Variants in EGF observed in about 807,000 individuals in gnomAD.
EGF encodes the protein pro-epidermal growth factor.
EGF carries 95 observed loss-of-function variants against 143.8 expected under a neutral mutation model. The observed-to-expected ratio is 0.66, with a 90% CI of 0.56 to 0.78. The LOEUF is 0.78. Ranked by LOEUF, EGF falls within the 30% of genes least tolerant of loss-of-function variation. The pLI, the probability that EGF is intolerant of heterozygous loss-of-function variation, is 0.00. For synonymous variants in EGF, 510 were observed against 510.5 expected (o/e 1.00, Z 0.01); for missense variants, 1,320 against 1,470.9 (o/e 0.90, Z 1.68).
intron 5 of EGF, among the ~76,000 whole-genome samples, chr4:109,952,090 T>C (rs1376772364): frequency 6.6e-6 from 1 of 152,210 alleles, no homozygotes; most frequent in Non-Finnish European, 1.5e-5. Flanking sequence ...TAGCCAGATA[T>C]CCTGGCTGCC....
intron 1 of EGF, among the ~76,000 whole-genome samples, chr4:109,923,416 A>G (rs1738124473): frequency 6.6e-6 from 1 of 151,602 alleles, no homozygotes; most frequent in Non-Finnish European, 1.5e-5. Context: ...AAAGCTGGTT[A>G]AAAAAGAGAG....
At chr4:109,966,993 A>T (rs1746711363) in intron 10 of EGF, among the ~76,000 whole-genome samples, 1 of 152,000 alleles carries the variant, frequency 6.6e-6, no homozygotes, top group African/African-American at 2.4e-5. Flanking sequence ...ACTGTAGGTT[A>T]TCTGTTTACT....
intron 12 of EGF, 78 bp from the exon 13 acceptor site, chr4:109,975,934 T>A: frequency 6.8e-7 from 1 of 1,462,228 alleles, no homozygotes. Context: ...GTAATTTACA[T>A]TGATATTTTC....
At chr4:109,938,684 C>T (rs771446085) in intron 1 of EGF, among the ~76,000 whole-genome samples, 3 of 152,184 alleles carry the variant, frequency 2.0e-5, no homozygotes, top group Non-Finnish European at 2.9e-5. Context: ...TGCTGGTGAC[C>T]TACGGATGGG....
chr4:109,972,148 G>A (rs553006809), intron 11 of EGF, among the ~76,000 whole-genome samples: 11 of 152,212 alleles, frequency 7.2e-5, no homozygotes, highest in African/African-American at 2.6e-4. Context: ...GGGACAATTA[G>A]ATAATGGTTA....
At chr4:109,971,299 A>G (rs1332962322) in intron 11 of EGF, among the ~76,000 whole-genome samples, 1 of 152,218 alleles carries the variant, frequency 6.6e-6, no homozygotes, top group East Asian at 1.9e-4. Flanking sequence ...TTCAGTTGTA[A>G]TAATTATAAA....
chr4:109,954,804 T>G (rs1185912770), intron 5 of EGF, among the ~76,000 whole-genome samples: 4 of 152,092 alleles, frequency 2.6e-5, no homozygotes, highest in Non-Finnish European at 5.9e-5. Flanking sequence ...GGGCTTGGAA[T>G]AGCATCCCAG....
At chr4:109,952,572 A>G (rs1311741526) in intron 5 of EGF, among the ~76,000 whole-genome samples, 1 of 152,216 alleles carries the variant, frequency 6.6e-6, no homozygotes, top group Non-Finnish European at 1.5e-5. Flanking sequence ...CTGGAAAAGA[A>G]TCGTCCTAAA....
At chr4:109,982,757 C>T (rs2126122452) in intron 15 of EGF, among the ~76,000 whole-genome samples, 1 of 152,130 alleles carries the variant, frequency 6.6e-6, no homozygotes, top group East Asian at 1.9e-4. Flanking sequence ...TTCCTTTTGC[C>T]ATATCAGTAC....
intron 22 of EGF, among the ~76,000 whole-genome samples, chr4:110,005,488 CATACTT>C (rs560695406): frequency 1.5e-3 from 222 of 152,252 alleles, no homozygotes; most frequent in Non-Finnish European, 1.6e-3. Flanking sequence ...TAGTTAAATT[CATACTT>C]ATACTGAAAG....
chr4:110,002,658 T>C (rs1016274813), intron 21 of EGF, among the ~76,000 whole-genome samples: 1 of 151,002 alleles, frequency 6.6e-6, no homozygotes, highest in East Asian at 1.9e-4. Context: ...TTTTTGTGGG[T>C]TTTTTTTTAA....
intron 1 of EGF, among the ~76,000 whole-genome samples, chr4:109,921,519 A>G (rs1737781895): frequency 6.6e-6 from 1 of 151,554 alleles, no homozygotes. Context: ...CTGCTGTGAC[A>G]GTGATTCATG....
In EGF at chr4:109,913,432, C is replaced by G; in HGVS notation, c.97C>G (p.Leu33Val). 6.2e-7 allele frequency: 1 copy of G among 1,613,898 alleles called. No individual in the cohort carries two copies. The highest frequency in any genetic ancestry group is 1.1e-5 in the South Asian group (1 of 91,062). ...PQHWSCPEGTLAGNGNSTCVG... is the reference protein window; with the variant it reads ...PQHWSCPEGTVAGNGNSTCVG... ...GCACTGGAGCTGTCCTGAAGGTACTCTCGCAGGAAATGGGAATTCTACTTG... is the reference window on the plus strand; with the variant it reads ...GCACTGGAGCTGTCCTGAAGGTACTGTCGCAGGAAATGGGAATTCTACTTG... The change falls in exon 1 of 24, where the codon CTC becomes GTC. Residue 33 changes from leucine (L) to valine (V), a missense_variant. By Grantham distance (32) the Leu-to-Val change is conservative (BLOSUM62 1). This residue lies in a region of EGF where 79 missense variants were observed against 71.2 expected (regional missense o/e 1.11). Coordinates refer to ENST00000265171, the MANE Select transcript of EGF (RefSeq NM_001963.6).
chr4:109,938,924 G>A (rs540220549), intron 1 of EGF, among the ~76,000 whole-genome samples: 1 of 152,286 alleles, frequency 6.6e-6, no homozygotes, highest in East Asian at 1.9e-4. Context: ...CCTGTATGAG[G>A]TGTCTGTTGG....
intron 5 of EGF, among the ~76,000 whole-genome samples, chr4:109,954,706 C>T (rs904977388): frequency 2.0e-5 from 3 of 152,094 alleles, no homozygotes; most frequent in African/African-American, 7.2e-5. Flanking sequence ...ATTTTATGTG[C>T]ATGTTTATAT....
chr4:109,990,319 C>T (rs1429184468), intron 18 of EGF, among the ~76,000 whole-genome samples: 1 of 152,102 alleles, frequency 6.6e-6, no homozygotes, highest in Non-Finnish European at 1.5e-5. Flanking sequence ...GAAGAGTGCA[C>T]ATCATAAGAG....
At chr4:109,942,111 A>T (rs1291333732) in intron 2 of EGF, among the ~76,000 whole-genome samples, 2 of 152,252 alleles carry the variant, frequency 1.3e-5, no homozygotes, top group Non-Finnish European at 2.9e-5. Context: ...GCTACTCATT[A>T]TCCTCCAGAC....
At chr4:109,963,003 G>A (rs1325460034) in intron 8 of EGF, among the ~76,000 whole-genome samples, 170 bp from the exon 9 acceptor site, 2 of 150,356 alleles carry the variant, frequency 1.3e-5, no homozygotes, top group Non-Finnish European at 2.9e-5. Context: ...GGAGGCGGAG[G>A]TTGCAATGAG....
chr4:110,007,979 A>G (rs554108475), intron 22 of EGF, among the ~76,000 whole-genome samples, 173 bp from the exon 23 acceptor site: 1 of 152,312 alleles, frequency 6.6e-6, no homozygotes, highest in South Asian at 2.1e-4. Context: ...AAGGCTCCTC[A>G]CTGAATGTTG....
Sources: allele counts gnomAD v4.1 joint callset (sites outside exome capture counted in the v4.1 genomes callset), GRCh38; gene constraint gnomAD v4.1.1; regional missense constraint gnomAD v4.1.1; transcripts MANE v1.5; gene names NCBI Gene and HGNC (gene_info 2026-07-23, HGNC 2026-07-21).